The following TYW1 variants were observed in gnomAD, a reference collection of about 807,000 sequenced individuals.
TYW1 encodes the protein tRNA-yW synthesizing protein 1 homolog.
TYW1 carries 46 observed loss-of-function variants against 96.2 expected under a neutral mutation model. The ratio of observed to expected loss-of-function variants is 0.48; its 90% CI spans 0.38 to 0.61. The LOEUF (loss-of-function observed/expected upper bound fraction) is 0.61. Ranked by LOEUF, TYW1 falls within the 20% of genes least tolerant of loss-of-function variation. The probability of loss-of-function intolerance (pLI) is 0.00; values close to 1 mark genes in which losing one functional copy is unlikely to be tolerated. For missense variants in TYW1, 684 were observed against 909.6 expected, an observed-to-expected ratio of 0.75 and a Z score of 3.19; for synonymous variants, 274 against 323.0, an observed-to-expected ratio of 0.85 and a Z score of 1.63.
intron 15 of TYW1, among the ~76,000 whole-genome samples, chr7:67,213,665 G>A (rs1384651188): frequency 2.0e-5 from 3 of 152,256 alleles, no homozygotes; most frequent in South Asian, 2.1e-4. Context: ...ATGTTTTATG[G>A]TTAAGTCTGT....
intron 13 of TYW1, among the ~76,000 whole-genome samples, chr7:67,147,043 A>G (rs1260770021): frequency 6.6e-6 from 1 of 152,206 alleles, no homozygotes; most frequent in East Asian, 1.9e-4. Flanking sequence ...AGCCAGAACT[A>G]GGTGTCTTAG....
At chr7:67,034,334 G>A (rs1361338266) in intron 7 of TYW1, among the ~76,000 whole-genome samples, 1 of 151,616 alleles carries the variant, frequency 6.6e-6, no homozygotes, top group East Asian at 2.0e-4. Flanking sequence ...TCCAGTTCCT[G>A]GCCTCAAGAT....
intron 13 of TYW1, among the ~76,000 whole-genome samples, chr7:67,141,517 T>C (rs143167226): frequency 0.019 from 2,822 of 152,270 alleles, 80 homozygotes; most frequent in African/African-American, 0.064. Flanking sequence ...CTTTTGGAAG[T>C]GTTCAGACAT....
intron 13 of TYW1, among the ~76,000 whole-genome samples, chr7:67,138,190 G>A (rs1798329443): frequency 6.6e-6 from 1 of 152,144 alleles, no homozygotes; most frequent in African/African-American, 2.4e-5. Flanking sequence ...TGCCCACAGG[G>A]AATAGTGCGT....
At chr7:67,092,819 AT>A (rs1796770131) in intron 11 of TYW1, among the ~76,000 whole-genome samples, 1 of 150,678 alleles carries the variant, frequency 6.6e-6, no homozygotes. Flanking sequence ...AATAGCTGGG[AT>A]TACAGGCACC....
At chr7:67,227,324 T>G (rs954254785) in intron 15 of TYW1, among the ~76,000 whole-genome samples, 1 of 152,210 alleles carries the variant, frequency 6.6e-6, no homozygotes, top group Non-Finnish European at 1.5e-5. Flanking sequence ...TGGCACGATC[T>G]CTGCTCACAG....
At chr7:67,199,199 A>T (rs9886206) in intron 15 of TYW1, among the ~76,000 whole-genome samples, 37,984 of 151,748 alleles carry the variant, frequency 0.25, 4,905 homozygotes, top group Middle Eastern at 0.3. Flanking sequence ...CATCTCAAAA[A>T]AAAAAAATAA....
chr7:67,155,514 C>A (rs1170848105), intron 13 of TYW1, among the ~76,000 whole-genome samples: 1 of 151,892 alleles, frequency 6.6e-6, no homozygotes, highest in Non-Finnish European at 1.5e-5. Context: ...AAACTGTGAG[C>A]GAATTAAACC....
intron 7 of TYW1, among the ~76,000 whole-genome samples, chr7:67,029,385 G>A (rs1794570868): frequency 2.2e-5 from 2 of 89,002 alleles, no homozygotes; most frequent in African/African-American, 4.2e-5. Flanking sequence ...GTGTGTGCGT[G>A]TGTGTGTGTG....
intron 7 of TYW1, among the ~76,000 whole-genome samples, chr7:67,039,275 T>A (rs544553125): frequency 3.4e-4 from 51 of 152,086 alleles, no homozygotes; most frequent in African/African-American, 1.1e-3. Context: ...GCTAACACAA[T>A]GAAACCCCAT....
rs902846162 is a variant in TYW1, at chr7:67,009,739, T to C, written c.375+55T>C. The C allele has an allele frequency of 5.7e-6, 8 of 1,409,656 alleles. No individual in the cohort carries two copies. The South Asian group carries it at 7.8e-5, about 14-fold the overall frequency. The allele number at this position is 1,409,656 out of a possible 1,614,324, so 87.3% of individuals were successfully genotyped here. A position where few individuals can be genotyped will look rare whatever the true frequency, so the allele number is the denominator to read the frequency against. On this transcript the variant is annotated intron_variant, in intron 4 of 15. Coordinates refer to ENST00000359626, the MANE Select transcript of TYW1 (RefSeq NM_018264.4). Reference sequence around the variant, plus strand: ...ACTCTCAAATTTAACTGATCTGCAATCTTCACAGTAAATTTAATTAGATAA... The same window carrying C: ...ACTCTCAAATTTAACTGATCTGCAACCTTCACAGTAAATTTAATTAGATAA...
At chr7:67,032,103 C>G (rs895204764) in intron 7 of TYW1, among the ~76,000 whole-genome samples, 3 of 151,620 alleles carry the variant, frequency 2.0e-5, no homozygotes, top group Admixed American at 6.6e-5. Flanking sequence ...TTAAAAGAGA[C>G]GATGAGAAAA....
intron 13 of TYW1, among the ~76,000 whole-genome samples, chr7:67,180,425 A>ATATATATATTATT (rs1563058168): frequency 3.2e-4 from 22 of 68,626 alleles, no homozygotes; most frequent in South Asian, 1.5e-3. Context: ...TATATATATA[A>ATATATATATTATT]TTTTTTTTTT....
rs532128155 is a variant in TYW1 at position 67,215,484 on chromosome 7, GTTC to G, written c.1977+20152_1977+20154del. Among the ~76,000 whole-genome samples the G allele has an allele frequency of 2.3e-3, 354 of 152,092 alleles. 2 individuals carry two copies. Among genetic ancestry groups the G allele is most frequent in the African/African-American group, 8.2e-3 (338 of 41,444 alleles). On this transcript the variant is annotated intron_variant, in intron 15 of 15. Coordinates refer to ENST00000359626, the MANE Select transcript of TYW1 (RefSeq NM_018264.4). ...CTTCCAGTTCATTTACTTTTTAAAA[GTTC>G]TTCTGCATAAACCTGCTTTTCAGCC...
intron 14 of TYW1, 66 bp downstream of exon 14, chr7:67,183,302 T>A: frequency 6.9e-7 from 1 of 1,458,554 alleles, no homozygotes. Flanking sequence ...TCGTTGGCCA[T>A]CGTGGAGTTA....
At chr7:67,162,230 C>G (rs1349816090) in intron 13 of TYW1, among the ~76,000 whole-genome samples, 1 of 148,928 alleles carries the variant, frequency 6.7e-6, no homozygotes. Flanking sequence ...AGGAGAATGG[C>G]GTGAACCCGG....
intron 13 of TYW1, among the ~76,000 whole-genome samples, chr7:67,120,323 TC>T (rs1312919381): frequency 6.6e-6 from 1 of 152,112 alleles, no homozygotes; most frequent in East Asian, 1.9e-4. Flanking sequence ...CCTCAAGTGA[TC>T]CGCCTGCCTC....
At chr7:67,098,033 T>C (rs1796974136) in intron 11 of TYW1, among the ~76,000 whole-genome samples, 1 of 152,106 alleles carries the variant, frequency 6.6e-6, no homozygotes, top group Non-Finnish European at 1.5e-5. Flanking sequence ...CCTCAGGTGA[T>C]TCCAGTATGA....
At chr7:67,025,724 A>G (rs1794429284) in intron 7 of TYW1, among the ~76,000 whole-genome samples, 1 of 152,192 alleles carries the variant, frequency 6.6e-6, no homozygotes, top group Non-Finnish European at 1.5e-5. Flanking sequence ...ACGATGCAGT[A>G]GGATTTCATG....
Sources: allele counts gnomAD v4.1 joint callset (sites outside exome capture counted in the v4.1 genomes callset), GRCh38; gene constraint gnomAD v4.1.1; transcripts MANE v1.5; gene names NCBI Gene and HGNC (gene_info 2026-07-23, HGNC 2026-07-21).